CPS1: variants seen among roughly 807,000 people sequenced by gnomAD.
CPS1 encodes carbamoyl-phosphate synthase 1.
A neutral mutation model predicts 174.6 loss-of-function variants in CPS1; 109 were observed. That is an observed-to-expected ratio of 0.62 (90% CI 0.53 to 0.73). CPS1 has a LOEUF of 0.73. Ranked by LOEUF, CPS1 falls within the 30% of genes least tolerant of loss-of-function variation. The pLI, the probability that CPS1 is intolerant of heterozygous loss-of-function variation, is 0.00. For missense variants in CPS1, 1,689 were observed against 1,821.9 expected, an observed-to-expected ratio of 0.93 and a Z score of 1.33; for synonymous variants, 637 against 632.0, an observed-to-expected ratio of 1.01 and a Z score of -0.12.
At position 210,605,457 on chromosome 2, in the gene CPS1, A is replaced by G. The variant is rs190275745; in HGVS notation, c.1981+211A>G. On this transcript the variant is annotated intron_variant, in intron 17 of 37. Transcript: ENST00000233072. ...ACAAACCCTGTGAAGTAAGGCGGAT[A>G]TTACACTGAGTTAATTGAGGAAGAG... Among the ~76,000 whole-genome samples the G allele has an allele frequency of 1.1e-3, 162 of 152,064 alleles. 1 individual carries two copies. The highest frequency in any genetic ancestry group is 2.2e-4 in the Non-Finnish European group (15 of 67,916).
chr2:210,653,952 A>G (rs1475430870), intron 28 of CPS1, 73 bp from the exon 29 acceptor site: 4 of 1,178,790 alleles, frequency 3.4e-6, no homozygotes, highest in Non-Finnish European at 2.5e-6. Flanking sequence ...TAATACTTAA[A>G]GTACATGGCT....
chr2:210,497,902 A>ATATG (rs2105959087), intron 1 of CPS1, among the ~76,000 whole-genome samples: 1 of 135,818 alleles, frequency 7.4e-6, no homozygotes, highest in Admixed American at 7.4e-5. Context: ...ACATATATAT[A>ATATG]TATATATATA....
chr2:210,496,111 A>G (rs1370844933), intron 1 of CPS1, among the ~76,000 whole-genome samples: 1 of 152,138 alleles, frequency 6.6e-6, no homozygotes, highest in Non-Finnish European at 1.5e-5. Context: ...CCATACAGGG[A>G]ATTTCTTGGA....
At chr2:210,500,056 AG>A (rs1379197630) in intron 1 of CPS1, among the ~76,000 whole-genome samples, 2 of 152,066 alleles carry the variant, frequency 1.3e-5, no homozygotes, top group East Asian at 1.9e-4. Context: ...GTGGCAGGAG[AG>A]AGAATGAGTG....
intron 32 of CPS1, among the ~76,000 whole-genome samples, chr2:210,662,607 G>A (rs1700960734): frequency 1.3e-5 from 2 of 152,216 alleles, no homozygotes; most frequent in African/African-American, 4.8e-5. Context: ...GTGTTTCCAA[G>A]CAGAATGTTT....
At chr2:210,676,485 C>T (rs1194488011) in intron 36 of CPS1, among the ~76,000 whole-genome samples, 1 of 152,152 alleles carries the variant, frequency 6.6e-6, no homozygotes, top group African/African-American at 2.4e-5. Context: ...CCATTCTATG[C>T]AATATGTTAT....
At chr2:210,482,505 T>A (rs1694598265) in intron 1 of CPS1, among the ~76,000 whole-genome samples, 1 of 152,056 alleles carries the variant, frequency 6.6e-6, no homozygotes, top group South Asian at 2.1e-4. Flanking sequence ...GGTTTCACCA[T>A]GTACCCCAGG....
upstream of CPS1, among the ~76,000 whole-genome samples, chr2:210,554,216 TACAC>T (rs1390125486): frequency 8.1e-6 from 1 of 122,930 alleles, no homozygotes; most frequent in East Asian, 2.1e-4. Context: ...TGTATATATA[TACAC>T]ACACATATAT....
chr2:210,487,075 G>C (rs896548902), intron 1 of CPS1, among the ~76,000 whole-genome samples: 2 of 152,110 alleles, frequency 1.3e-5, no homozygotes, highest in Non-Finnish European at 2.9e-5. Context: ...ATACATTGAA[G>C]CATGTCTTTG....
chr2:210,501,845 T>C (rs1295529258), intron 1 of CPS1, among the ~76,000 whole-genome samples: 1 of 152,176 alleles, frequency 6.6e-6, no homozygotes, highest in Non-Finnish European at 1.5e-5. Flanking sequence ...TTTTCAGCTA[T>C]CTTTACAGCA....
At chr2:210,543,090 C>T (rs2106015537) in intron 1 of CPS1, among the ~76,000 whole-genome samples, 1 of 152,258 alleles carries the variant, frequency 6.6e-6, no homozygotes, top group Non-Finnish European at 1.5e-5. Flanking sequence ...TAGCAACCAT[C>T]ACCCACAGTG....
chr2:210,674,834 A>G, intron 34 of CPS1, 68 bp from the exon 35 acceptor site: 1 of 1,213,232 alleles, frequency 8.2e-7, no homozygotes, highest in Non-Finnish European at 1.2e-6. Flanking sequence ...TGTTGTAAGG[A>G]AATACCATAT....
chr2:210,575,516 G>GCACACACACA (rs71395588), intron 2 of CPS1, among the ~76,000 whole-genome samples: 12 of 145,846 alleles, frequency 8.2e-5, no homozygotes, highest in African/African-American at 2.3e-4. Context: ...ATATGTATAT[G>GCACACACACA]CACACACACA....
intron 24 of CPS1, 90 bp from the exon 25 acceptor site, chr2:210,642,394 C>G: frequency 6.8e-7 from 1 of 1,466,910 alleles, no homozygotes; most frequent in South Asian, 1.1e-5. Flanking sequence ...CTTCCTTAGC[C>G]TGGACTGACT....
intron 6 of CPS1, among the ~76,000 whole-genome samples, chr2:210,586,849 G>A (rs1350392526): frequency 6.6e-6 from 1 of 151,976 alleles, no homozygotes; most frequent in African/African-American, 2.4e-5. Context: ...TATATTTTGT[G>A]AGTTTTGTTT....
At chr2:210,551,308 T>C (rs1006641811) in intron 1 of CPS1, among the ~76,000 whole-genome samples, 1 of 152,044 alleles carries the variant, frequency 6.6e-6, no homozygotes, top group African/African-American at 2.4e-5. Context: ...GTGAATTCAC[T>C]GGATAATCCA....
At chr2:210,512,200 A>T (rs1695513004) in intron 1 of CPS1, among the ~76,000 whole-genome samples, 1 of 151,904 alleles carries the variant, frequency 6.6e-6, no homozygotes, top group Admixed American at 6.6e-5. Flanking sequence ...TTCTTTTATT[A>T]TTATTTTTTC....
In CPS1 at chr2:210,616,434, C is replaced by T. The variant is rs200840892; in HGVS notation, c.2580C>T (p.Asp860=). Residue 860 remains aspartate, a synonymous_variant, in exon 21 of 38, where the codon GAC becomes GAT. Transcript: ENST00000233072. ...TCTCCTCTTGGCAGGCCATTGATGA[C>T]AACATGTCCCTTGATGAGATTGAGA... The part of the protein sequence containing the change: ...RIYAIAKAID[D]NMSLDEIEKL... The T allele has an allele frequency of 6.8e-6, 11 of 1,609,940 alleles. No homozygotes were observed. Among genetic ancestry groups the T allele is most frequent in the Non-Finnish European group, 9.3e-6 (11 of 1,176,672 alleles).
intron 1 of CPS1, among the ~76,000 whole-genome samples, chr2:210,568,859 A>G (rs937583206): frequency 1.3e-5 from 2 of 152,162 alleles, no homozygotes; most frequent in African/African-American, 4.8e-5. Context: ...GGTTAAAATA[A>G]AAAATTATAT....
Sources: allele counts gnomAD v4.1 joint callset (sites outside exome capture counted in the v4.1 genomes callset), GRCh38; gene constraint gnomAD v4.1.1; transcripts MANE v1.5; gene names NCBI Gene and HGNC (gene_info 2026-07-23, HGNC 2026-07-21).